Variants in OLFML2A observed in about 807,000 individuals in gnomAD.
OLFML2A encodes olfactomedin like 2A, also known as olfactomedin-like protein 2A.
OLFML2A carries 47 observed loss-of-function variants against 60.9 expected under a neutral mutation model. The observed-to-expected ratio is 0.77, with a 90% CI of 0.61 to 0.98. The LOEUF is 0.98. Among genes scored for constraint, OLFML2A ranks in the 50% least tolerant of loss-of-function variants. OLFML2A has a pLI of 0.00. For synonymous variants in OLFML2A, 372 were observed against 375.0 expected, an observed-to-expected ratio of 0.99 and a Z score of 0.09; for missense variants, 922 against 879.8, an observed-to-expected ratio of 1.05 and a Z score of -0.61.
chr9:124,781,482 G>A (rs1841360235), intron 1 of OLFML2A, among the ~76,000 whole-genome samples: 2 of 152,106 alleles, frequency 1.3e-5, no homozygotes, highest in African/African-American at 4.8e-5. Flanking sequence ...GAGGAAAAAG[G>A]GCAGACCCAA....
chr9:124,798,745 GAAAGAA>G (rs1383545097), intron 3 of OLFML2A, among the ~76,000 whole-genome samples: 4 of 148,490 alleles, frequency 2.7e-5, no homozygotes, highest in Admixed American at 6.7e-5. Context: ...AAAAAAGAAA[GAAAGAA>G]AAAGAAAAAG....
chr9:124,793,177 G>A (rs886501314), intron 2 of OLFML2A, among the ~76,000 whole-genome samples: 3 of 152,262 alleles, frequency 2.0e-5, no homozygotes, highest in Non-Finnish European at 4.4e-5. Flanking sequence ...GGGTGGGGCT[G>A]TGCGTGAGGG....
At position 124,811,612 on chromosome 9, in the gene OLFML2A, G is replaced by A. The variant is rs907390021; in HGVS notation, c.*1200G>A. 19 of 152,330 alleles carry A rather than the reference G, an allele frequency of 1.2e-4. No individual in the cohort carries two copies. Among genetic ancestry groups the A allele is most frequent in the African/African-American group, 4.6e-4 (19 of 41,462 alleles). 9.4% of individuals were successfully genotyped at this position (152,330 alleles called of 1,614,324 possible). ...TTCTTCTGGTTGCAGGAGAGAACCAGAGGGTGGGAACGGGGAGGGAAGAAC... is the reference window on the plus strand; with the variant it reads ...TTCTTCTGGTTGCAGGAGAGAACCAAAGGGTGGGAACGGGGAGGGAAGAAC... On this transcript the variant is annotated 3_prime_UTR_variant, in exon 8 of 8. Transcript: ENST00000373580.
intron 1 of OLFML2A, among the ~76,000 whole-genome samples, chr9:124,782,108 G>T (rs1841370803): frequency 6.6e-6 from 1 of 152,232 alleles, no homozygotes; most frequent in African/African-American, 2.4e-5. Flanking sequence ...GCTGGGCCTA[G>T]TAGGAGCCTC....
rs567206213 is a variant in OLFML2A, at chr9:124,799,396, A to G, written c.574A>G (p.Lys192Glu). 2 of 1,613,912 alleles carry G rather than the reference A, an allele frequency of 1.2e-6. No individual in the cohort carries two copies. The highest frequency in any genetic ancestry group is 1.7e-5 in the Admixed American group (1 of 60,030). ...TCACTCTGCCATCATGCTGGGCATCAAGAAGGAGCTGTCCCGCCTGGGCCT... is the reference window on the plus strand; with the variant it reads ...TCACTCTGCCATCATGCTGGGCATCGAGAAGGAGCTGTCCCGCCTGGGCCT... ...ENHSAIMLGI[K>E]KELSRLGLQL... Residue 192 changes from lysine to glutamate, a missense_variant, in exon 4 of 8, where the codon AAG (lysine) becomes GAG (glutamate). By Grantham distance (56) the Lys-to-Glu change is moderately conservative. Coordinates refer to ENST00000373580, the MANE Select transcript of OLFML2A (RefSeq NM_182487.4).
At chr9:124,804,013 TGGG>T (rs2131273677) in intron 5 of OLFML2A, 78 bp from the exon 6 acceptor site, 2 of 1,492,858 alleles carry the variant, frequency 1.3e-6, no homozygotes, top group East Asian at 2.3e-5. Context: ...GCCCCTGAGA[TGGG>T]GGCCCAGTGG....
Position 124,786,998 on chromosome 9 carries a change from G to A in OLFML2A, c.114G>A (p.Val38=). Residue 38 remains valine, a synonymous_variant, in exon 2 of 8, where the codon GTG becomes GTA. Transcript: ENST00000373580. ...AGGTGTTTGGGGACCTGGACCAGGT[G>A]AGGATGACCTCGGAGGGCTCCGACT... ...DSKVFGDLDQ[V]RMTSEGSDCR... is the part of the protein sequence containing the mutation. The A allele has an allele frequency of 6.2e-7, 1 of 1,612,844 alleles. No homozygotes were observed. The highest frequency in any genetic ancestry group is 8.5e-7 in the Non-Finnish European group (1 of 1,179,162).
At chr9:124,787,776 C>A (rs531949977) in intron 2 of OLFML2A, among the ~76,000 whole-genome samples, 1 of 151,896 alleles carries the variant, frequency 6.6e-6, no homozygotes, top group South Asian at 2.1e-4. Flanking sequence ...CCAGGCTGGT[C>A]TTGAACTCCT....
intron 1 of OLFML2A, among the ~76,000 whole-genome samples, chr9:124,781,127 G>A (rs1841354313): frequency 6.6e-6 from 1 of 152,196 alleles, no homozygotes; most frequent in Admixed American, 6.5e-5. Context: ...GAGCTTTTGG[G>A]AGATTCATCA....
intron 2 of OLFML2A, among the ~76,000 whole-genome samples, chr9:124,794,329 A>G (rs1841624003): frequency 6.6e-6 from 1 of 152,234 alleles, no homozygotes; most frequent in Non-Finnish European, 1.5e-5. Context: ...AGAGTCACAG[A>G]TGCAGGCACA....
Position 124,777,314 on chromosome 9 carries a change from C to A in OLFML2A, c.44C>A (p.Pro15Gln), listed in dbSNP as rs990227467. Residue 15 changes from proline to glutamine, a missense_variant, in exon 1 of 8, where the codon CCG (proline) becomes CAG (glutamine). Coordinates refer to ENST00000373580, the MANE Select transcript of OLFML2A (RefSeq NM_182487.4). The surrounding 1 kb of genome is among the most constrained non-coding windows in gnomAD (Gnocchi z 6.2). The stretch of plus-strand genomic sequence containing the variant: ...CCGCCCCGGCCGCTGCTCCTTCTGC[C>A]GCTAGTGCTGCTGCTGAGCGGCCGC... ...ALPPRPLLLL[P>Q]LVLLLSGRPT... 2.3e-6 allele frequency: 3 copies of A among 1,298,124 alleles called. No individual in the cohort carries two copies. Among genetic ancestry groups the A allele is most frequent in the Admixed American group, 3.1e-5 (1 of 32,002 alleles). The allele number at this position is 1,298,124 out of a possible 1,614,324, so 80.4% of individuals were successfully genotyped here. A position where few individuals can be genotyped will look rare whatever the true frequency, so the allele number is the denominator to read the frequency against.
chr9:124,799,403 A>T lies in OLFML2A; in HGVS notation c.581A>T (p.Glu194Val). Residue 194 changes from glutamate to valine, a missense_variant, in exon 4 of 8, where the codon GAG becomes GTG. Coordinates refer to ENST00000373580, the MANE Select transcript of OLFML2A (RefSeq NM_182487.4). ...GCCATCATGCTGGGCATCAAGAAGG[A>T]GCTGTCCCGCCTGGGCCTCCAGCTG... ...HSAIMLGIKK[E>V]LSRLGLQLLQ... 6.2e-7 allele frequency: 1 copy of T among 1,613,882 alleles called. No individual in the cohort carries two copies.
chr9:124,798,805 T>A (rs1841715108), intron 3 of OLFML2A, among the ~76,000 whole-genome samples: 1 of 150,534 alleles, frequency 6.6e-6, no homozygotes, highest in African/African-American at 2.4e-5. Context: ...CTTTAAGCAA[T>A]GGTGTACTGT....
chr9:124,800,470 A>G (rs1841752291), intron 4 of OLFML2A, among the ~76,000 whole-genome samples: 2 of 152,238 alleles, frequency 1.3e-5, no homozygotes, highest in African/African-American at 4.8e-5. Context: ...GGTCACATGG[A>G]GAGGCGGTGG....
At chr9:124,780,586 C>G (rs779491002) in intron 1 of OLFML2A, among the ~76,000 whole-genome samples, 1 of 152,308 alleles carries the variant, frequency 6.6e-6, no homozygotes, top group East Asian at 1.9e-4. Flanking sequence ...ACAGGCTCTC[C>G]GGCAGGCGAG....
At chr9:124,807,587 T>C (rs1277518477) in intron 6 of OLFML2A, among the ~76,000 whole-genome samples, 194 bp from the exon 7 acceptor site, 1 of 152,204 alleles carries the variant, frequency 6.6e-6, no homozygotes, top group African/African-American at 2.4e-5. Flanking sequence ...CTGGCCTCCA[T>C]TCTGCTTTTC....
At chr9:124,781,387 C>T (rs546106560) in intron 1 of OLFML2A, among the ~76,000 whole-genome samples, 46 of 152,170 alleles carry the variant, frequency 3.0e-4, no homozygotes, top group Middle Eastern at 3.4e-3. Flanking sequence ...GTTTGGGGTA[C>T]CTCTGGGCAG....
chr9:124,795,194 C>T (rs113431973), intron 3 of OLFML2A, 63 bp downstream of exon 3: 29 of 1,030,360 alleles, frequency 2.8e-5, no homozygotes, highest in African/African-American at 1.3e-4. Flanking sequence ...GGGCACTGTC[C>T]GAAGGGGCCC....
intron 2 of OLFML2A, 135 bp downstream of exon 2, chr9:124,787,373 C>T (rs1053917479): frequency 8.5e-6 from 7 of 824,768 alleles, no homozygotes; most frequent in African/African-American, 1.7e-5. Context: ...GAAACTGAGG[C>T]TCCCTGAGGG....
Sources: gnomAD v4.1 joint callset for allele counts (sites outside exome capture counted in the v4.1 genomes callset) on GRCh38, gnomAD v4.1.1 for gene constraint, Gnocchi (gnomAD v3.1) non-coding constraint, MANE v1.5 for transcripts, NCBI Gene and HGNC (gene_info 2026-07-23, HGNC 2026-07-21) for gene names.